RAPGEF4: variants seen among roughly 807,000 people sequenced by gnomAD.
The protein encoded by RAPGEF4 is Rap guanine nucleotide exchange factor 4.
In RAPGEF4, 66 loss-of-function variants were observed where a neutral mutation model predicts 147.9. The ratio of observed to expected loss-of-function variants is 0.45; its 90% CI spans 0.37 to 0.55. The LOEUF is 0.55. Ranked by LOEUF, RAPGEF4 falls within the 20% of genes least tolerant of loss-of-function variation. RAPGEF4 has a pLI of 0.00. For synonymous variants in RAPGEF4, 419 were observed against 442.7 expected, an observed-to-expected ratio of 0.95 and a Z score of 0.67; for missense variants, 1,071 against 1,257.3, an observed-to-expected ratio of 0.85 and a Z score of 2.24.
At chr2:172,846,029 G>T (rs993044853) in intron 4 of RAPGEF4, among the ~76,000 whole-genome samples, 2 of 152,174 alleles carry the variant, frequency 1.3e-5, no homozygotes, top group Non-Finnish European at 2.9e-5. Context: ...CCTCCTCACC[G>T]CAGCAGGAGG....
chr2:172,799,354 A>G (rs1686736142), intron 3 of RAPGEF4, among the ~76,000 whole-genome samples: 1 of 152,186 alleles, frequency 6.6e-6, no homozygotes, highest in South Asian at 2.1e-4. Context: ...TTAAAACCCA[A>G]GCAGTCAGGC....
rs539492657 is a variant in RAPGEF4 at position 172,753,009 on chromosome 2, A to G, written c.65+16961A>G. Among the ~76,000 whole-genome samples, 10 of 152,292 alleles carry G rather than the reference A, an allele frequency of 6.6e-5. No individual in the cohort carries two copies. In the South Asian group the frequency reaches 2.1e-3, roughly 32 times the overall value. ...TTAACAGGTCATGGATGTCAAAGCAATTCTAATTTTAAAGAGCCCTTGGTG... is the reference window on the plus strand; with the variant it reads ...TTAACAGGTCATGGATGTCAAAGCAGTTCTAATTTTAAAGAGCCCTTGGTG... On this transcript the variant is annotated intron_variant, in intron 1 of 30. Coordinates refer to ENST00000397081, the MANE Select transcript of RAPGEF4 (RefSeq NM_007023.4).
chr2:172,813,027 T>G (rs1574919812), intron 3 of RAPGEF4, among the ~76,000 whole-genome samples: 1 of 152,360 alleles, frequency 6.6e-6, no homozygotes, highest in Middle Eastern at 3.4e-3. Context: ...TCTTCCCTGA[T>G]CTTTTATTCT....
At chr2:172,804,342 C>A (rs1687268887) in intron 3 of RAPGEF4, among the ~76,000 whole-genome samples, 1 of 152,150 alleles carries the variant, frequency 6.6e-6, no homozygotes, top group South Asian at 2.1e-4. Context: ...ATTGGTCTAG[C>A]AAATTCTTCC....
chr2:172,783,592 G>GT lies in RAPGEF4; in HGVS notation c.66-11426dup, dbSNP rs1559039047. ...TGGGATCTCAGGCTCCTTCAAAGGG[G>GT]TTTTTTTCTGAGAGTCACCCTGAAT... is the stretch of plus-strand genomic sequence containing the variant. On this transcript the variant is annotated intron_variant, in intron 1 of 30. Transcript: ENST00000397081. Among the ~76,000 whole-genome samples the GT allele has an allele frequency of 3.9e-5, 6 of 152,184 alleles. No homozygotes were observed. The South Asian group carries it at 8.3e-4, about 21-fold the overall frequency.
intron 1 of RAPGEF4, among the ~76,000 whole-genome samples, chr2:172,777,552 A>G (rs555522783): frequency 6.6e-6 from 1 of 152,224 alleles, no homozygotes; most frequent in East Asian, 1.9e-4. Flanking sequence ...GTATTGGTCT[A>G]CACATGTGCA....
At chr2:173,008,250 T>C (rs935377126) in intron 17 of RAPGEF4, among the ~76,000 whole-genome samples, 1 of 152,208 alleles carries the variant, frequency 6.6e-6, no homozygotes, top group African/African-American at 2.4e-5. Flanking sequence ...TGGAACTCTT[T>C]CCTTTATAAA....
At chr2:172,740,850 T>A (rs1694234717) in intron 1 of RAPGEF4, among the ~76,000 whole-genome samples, 1 of 152,200 alleles carries the variant, frequency 6.6e-6, no homozygotes, top group Admixed American at 6.5e-5. Flanking sequence ...TACCAGACTC[T>A]CAGAGACTCT....
Position 172,814,401 on chromosome 2 carries a change from G to A in RAPGEF4, c.420G>A (p.Gln140=). Residue 140 remains glutamine, a synonymous_variant, in exon 4 of 31, where the codon CAG becomes CAA. Coordinates refer to ENST00000397081, the MANE Select transcript of RAPGEF4 (RefSeq NM_007023.4). ...GCAGTGAACTGCTCCGCATCGAGCA[G>A]AAGGACTTCAAGGCACTATGGGAGG... ...RESSELLRIE[Q]KDFKALWEKY... 6.2e-7 allele frequency: 1 copy of A among 1,614,162 alleles called. No homozygotes were observed. Among genetic ancestry groups the A allele is most frequent in the East Asian group, 2.2e-5 (1 of 44,880 alleles).
intron 1 of RAPGEF4, among the ~76,000 whole-genome samples, chr2:172,747,055 T>C (rs555955794): frequency 1.3e-5 from 2 of 152,332 alleles, no homozygotes; most frequent in Non-Finnish European, 2.9e-5. Context: ...GAGAAGCAGA[T>C]ATTACTCACA....
chr2:172,969,491 A>G (rs1032261940), intron 10 of RAPGEF4, among the ~76,000 whole-genome samples: 8 of 152,250 alleles, frequency 5.3e-5, no homozygotes, highest in Admixed American at 2.6e-4. Flanking sequence ...ATTACACCAC[A>G]TAAGCCATCA....
At chr2:172,925,580 C>T (rs1274205850) in intron 6 of RAPGEF4, among the ~76,000 whole-genome samples, 3 of 78,642 alleles carry the variant, frequency 3.8e-5, no homozygotes, top group Non-Finnish European at 7.9e-5. Flanking sequence ...TAGTGAGACT[C>T]TGTCTGTACA....
At chr2:172,807,984 C>CCACA (rs2149586214) in intron 3 of RAPGEF4, among the ~76,000 whole-genome samples, 1 of 152,294 alleles carries the variant, frequency 6.6e-6, no homozygotes, top group African/African-American at 2.4e-5. Flanking sequence ...GATGTACTTA[C>CCACA]CACAGAGAAT....
rs887338707 is a variant in RAPGEF4 at position 172,744,173 on chromosome 2, A to G, written c.65+8125A>G. 12 of 253,186 alleles carry G rather than the reference A, an allele frequency of 4.7e-5. No individual in the cohort carries two copies. The Admixed American group carries it at 6.5e-4, about 14-fold the overall frequency. 15.7% of individuals were successfully genotyped at this position (253,186 alleles called of 1,614,324 possible). A position where few individuals can be genotyped will look rare whatever the true frequency, so the allele number is the denominator to read the frequency against. ...CCTTTTCCACATCTAACCAGTCACTAATTGTCTTGACTTTTATTCCACTTT... is the reference window on the plus strand; with the variant it reads ...CCTTTTCCACATCTAACCAGTCACTGATTGTCTTGACTTTTATTCCACTTT... On this transcript the variant is annotated intron_variant, in intron 1 of 30. Transcript: ENST00000397081.
intron 9 of RAPGEF4, among the ~76,000 whole-genome samples, chr2:172,965,951 T>C (rs1689793604): frequency 6.6e-6 from 1 of 152,250 alleles, no homozygotes; most frequent in Non-Finnish European, 1.5e-5. Flanking sequence ...TTATGTTTAT[T>C]AGTTTGCATT....
chr2:173,041,763 A>ACTG (rs1173373038), intron 29 of RAPGEF4, among the ~76,000 whole-genome samples: 3 of 152,126 alleles, frequency 2.0e-5, no homozygotes, highest in African/African-American at 7.2e-5. Flanking sequence ...AGTTGGTGAG[A>ACTG]CTGACCTGCC....
intron 4 of RAPGEF4, among the ~76,000 whole-genome samples, chr2:172,866,117 A>G (rs1035374497): frequency 5.3e-5 from 8 of 152,144 alleles, no homozygotes; most frequent in Non-Finnish European, 1.0e-4. Context: ...CCAATTTAAA[A>G]GAGAACAAGA....
chr2:172,772,546 G>T (rs773065816), intron 1 of RAPGEF4, among the ~76,000 whole-genome samples: 1 of 152,000 alleles, frequency 6.6e-6, no homozygotes, highest in Non-Finnish European at 1.5e-5. Context: ...GCTTCACCAC[G>T]TTGGCCAGGC....
chr2:172,735,744 C>T, upstream of RAPGEF4: 1 of 173,924 alleles, frequency 5.7e-6, no homozygotes, highest in Non-Finnish European at 1.2e-5. Context: ...AGTGCAGCGG[C>T]GGGCGGGCGG....
Sources: gnomAD v4.1 joint callset for allele counts (sites outside exome capture counted in the v4.1 genomes callset) on GRCh38, gnomAD v4.1.1 for gene constraint, MANE v1.5 for transcripts, NCBI Gene and HGNC (gene_info 2026-07-23, HGNC 2026-07-21) for gene names.